The following ADGRL3 variants were observed in gnomAD, a reference collection of about 807,000 sequenced individuals.
ADGRL3 encodes adhesion G protein-coupled receptor L3, also known as calcium-independent alpha-latrotoxin receptor 3.
ADGRL3 carries 62 observed loss-of-function variants against 153.5 expected under a neutral mutation model. The observed-to-expected ratio is 0.40, with a 90% CI of 0.33 to 0.50. The LOEUF (loss-of-function observed/expected upper bound fraction) is 0.50. Ranked by LOEUF, ADGRL3 falls within the 20% of genes least tolerant of loss-of-function variation. The probability of loss-of-function intolerance (pLI) is 0.47; values close to 1 mark genes in which losing one functional copy is unlikely to be tolerated. For synonymous variants in ADGRL3, 710 were observed against 672.5 expected, an observed-to-expected ratio of 1.06 and a Z score of -0.86; for missense variants, 1,641 against 1,859.4, an observed-to-expected ratio of 0.88 and a Z score of 2.16.
At chr4:61,927,818 A>G (rs1022224493) in intron 13 of ADGRL3, among the ~76,000 whole-genome samples, 3 of 152,044 alleles carry the variant, frequency 2.0e-5, no homozygotes, top group Non-Finnish European at 4.4e-5. Flanking sequence ...GATAAACCTT[A>G]TATCAAGAAA....
chr4:61,492,504 G>T (rs1264010527), intron 2 of ADGRL3, among the ~76,000 whole-genome samples: 4 of 152,016 alleles, frequency 2.6e-5, no homozygotes, highest in Non-Finnish European at 5.9e-5. Flanking sequence ...TCTGTTTGGT[G>T]TATAGAAAGG....
chr4:61,822,506 A>C (rs184847703), intron 9 of ADGRL3, among the ~76,000 whole-genome samples: 1 of 152,334 alleles, frequency 6.6e-6, no homozygotes, highest in Admixed American at 6.5e-5. Flanking sequence ...GACTTTAATT[A>C]AAATTATATT....
At chr4:61,347,858 A>G (rs773914725) in intron 1 of ADGRL3, among the ~76,000 whole-genome samples, 1 of 152,142 alleles carries the variant, frequency 6.6e-6, no homozygotes, top group African/African-American at 2.4e-5. Flanking sequence ...CTTAAAAAAT[A>G]TTATTAGAAA....
intron 1 of ADGRL3, among the ~76,000 whole-genome samples, chr4:61,369,820 G>T (rs1004340900): frequency 3.9e-5 from 6 of 152,046 alleles, no homozygotes; most frequent in Non-Finnish European, 5.9e-5. Flanking sequence ...GTTCCTCCTT[G>T]TACCTCTGGT....
At chr4:61,538,094 A>G (rs1391759083) in intron 4 of ADGRL3, among the ~76,000 whole-genome samples, 1 of 152,118 alleles carries the variant, frequency 6.6e-6, no homozygotes, top group African/African-American at 2.4e-5. Context: ...TGTAGAAGCT[A>G]TTGCTTCTTA....
intron 1 of ADGRL3, among the ~76,000 whole-genome samples, chr4:61,370,024 T>G (rs1032788451): frequency 2.6e-5 from 4 of 152,074 alleles, no homozygotes; most frequent in Admixed American, 6.5e-5. Flanking sequence ...CATAGAGGTG[T>G]TTGTAGTATT....
At chr4:61,741,318 G>A (rs1466246751) in intron 8 of ADGRL3, among the ~76,000 whole-genome samples, 2 of 152,166 alleles carry the variant, frequency 1.3e-5, no homozygotes, top group African/African-American at 4.8e-5. Flanking sequence ...ATACCACATT[G>A]TCTCTAAAGT....
intron 1 of ADGRL3, among the ~76,000 whole-genome samples, chr4:61,362,517 A>G (rs1304253198): frequency 6.6e-6 from 1 of 152,092 alleles, no homozygotes; most frequent in Non-Finnish European, 1.5e-5. Context: ...TCTTACCATT[A>G]AGTTAAACAG....
intron 1 of ADGRL3, among the ~76,000 whole-genome samples, chr4:61,380,480 G>A (rs568689065): frequency 1.1e-4 from 16 of 151,896 alleles, no homozygotes; most frequent in Non-Finnish European, 2.4e-4. Context: ...TGAATTGAAT[G>A]TCATTTTTAT....
intron 1 of ADGRL3, among the ~76,000 whole-genome samples, chr4:61,303,171 G>A (rs2094639646): frequency 1.3e-5 from 2 of 152,122 alleles, no homozygotes; most frequent in South Asian, 4.1e-4. Flanking sequence ...AGAGTGGTTT[G>A]GATAACTAAT....
intron 5 of ADGRL3, among the ~76,000 whole-genome samples, chr4:61,630,725 A>G (rs2093111564): frequency 6.6e-6 from 1 of 152,240 alleles, no homozygotes; most frequent in Non-Finnish European, 1.5e-5. Flanking sequence ...GTTGTAAATC[A>G]TGGTCACAAA....
At chr4:61,752,722 C>A (rs1030737779) in intron 8 of ADGRL3, among the ~76,000 whole-genome samples, 10 of 152,094 alleles carry the variant, frequency 6.6e-5, no homozygotes, top group Non-Finnish European at 1.3e-4. Context: ...TGCTTGAGCC[C>A]AGGAGTTCAA....
chr4:61,540,166 G>C (rs542159958), intron 4 of ADGRL3, among the ~76,000 whole-genome samples: 1 of 152,064 alleles, frequency 6.6e-6, no homozygotes, highest in South Asian at 2.1e-4. Context: ...AGTCATATCA[G>C]GCTAAATATT....
At position 61,218,983 on chromosome 4, in the gene ADGRL3, A is replaced by G. The variant is rs1448705772; in HGVS notation, c.-240+17218A>G. Among the ~76,000 whole-genome samples the G allele has an allele frequency of 2.0e-5, 3 of 152,200 alleles. No homozygotes were observed. The South Asian group carries it at 6.2e-4, about 31-fold the overall frequency. On this transcript the variant is annotated intron_variant, in intron 1 of 26. Transcript: ENST00000683033. ...TTAAAAATATTATATTGGCTGCTCT[A>G]TGTAGACATAATTGGAGGAGGCATC...
chr4:61,998,091 A>G (rs1206520293), intron 20 of ADGRL3, 83 bp from the exon 21 acceptor site: 5 of 570,412 alleles, frequency 8.8e-6, no homozygotes, highest in Middle Eastern at 3.0e-4. Flanking sequence ...ATTTCCCAGA[A>G]CAACTCATGT....
intron 25 of ADGRL3, among the ~76,000 whole-genome samples, chr4:62,051,160 G>T (rs1227288555): frequency 1.6e-4 from 9 of 57,868 alleles, no homozygotes; most frequent in Non-Finnish European, 3.0e-4. Context: ...AAGAACGTGT[G>T]TGTGTGTGTA....
intron 8 of ADGRL3, among the ~76,000 whole-genome samples, chr4:61,778,044 C>G (rs192656289): frequency 6.6e-6 from 1 of 152,240 alleles, no homozygotes; most frequent in East Asian, 1.9e-4. Flanking sequence ...TCAACAACCT[C>G]CCACAAAAGG....
At chr4:62,023,243 G>T (rs2099246353) in intron 21 of ADGRL3, among the ~76,000 whole-genome samples, 1 of 152,240 alleles carries the variant, frequency 6.6e-6, no homozygotes, top group South Asian at 2.1e-4. Context: ...AGAAGTAGAA[G>T]TGGATCCTGA....
intron 2 of ADGRL3, chr4:61,425,536 C>T (rs2097266567): frequency 6.6e-6 from 1 of 152,428 alleles, no homozygotes; most frequent in East Asian, 1.9e-4. Flanking sequence ...AAAGCAGGCA[C>T]AGGTACTAAC....
Sources: gnomAD v4.1 joint callset for allele counts (sites outside exome capture counted in the v4.1 genomes callset) on GRCh38, gnomAD v4.1.1 for gene constraint, MANE v1.5 for transcripts, NCBI Gene and HGNC (gene_info 2026-07-23, HGNC 2026-07-21) for gene names.